The following TRMT44 variants were observed in gnomAD, a reference collection of about 807,000 sequenced individuals.
TRMT44 encodes tRNA methyltransferase 44 homolog, also known as probable tRNA (uracil-O(2)-)-methyltransferase.
A neutral mutation model predicts 77.3 loss-of-function variants in TRMT44; 78 were observed. That is an observed-to-expected ratio of 1.01 (90% confidence interval 0.84 to 1.22). The LOEUF (loss-of-function observed/expected upper bound fraction) is 1.22, where lower values mean the gene tolerates loss of function less well. TRMT44 is among the 50% of genes most tolerant of loss of function. The pLI, the probability that TRMT44 is intolerant of heterozygous loss-of-function variation, is 0.00. For synonymous variants in TRMT44, 391 were observed against 383.3 expected, an observed-to-expected ratio of 1.02 and a Z score of -0.23; for missense variants, 1,090 against 964.4, an observed-to-expected ratio of 1.13 and a Z score of -1.73.
Position 8,446,462 on chromosome 4 carries a change from C to A in TRMT44, c.620-14C>A. On this transcript the variant is annotated splice_polypyrimidine_tract_variant and intron_variant, in intron 1 of 10. Coordinates refer to ENST00000389737, the MANE Select transcript of TRMT44 (RefSeq NM_152544.3). This position sits in a 1 kb window ranked among gnomAD's most constrained non-coding sequence, Gnocchi z 4.3. Reference sequence around the variant, plus strand: ...GGCAGTTGTAATTTGTCCTTCTTCTCTTTTTCTTTCCAGATGTCCTCAATG... The same window carrying A: ...GGCAGTTGTAATTTGTCCTTCTTCTATTTTTCTTTCCAGATGTCCTCAATG... The A allele has an allele frequency of 2.0e-6, 3 of 1,510,642 alleles. No individual in the cohort carries two copies. Among genetic ancestry groups the A allele is most frequent in the Non-Finnish European group, 2.7e-6 (3 of 1,124,580 alleles). The allele number at this position is 1,510,642 out of a possible 1,614,324, so 93.6% of individuals were successfully genotyped here. A position where few individuals can be genotyped will look rare whatever the true frequency, so the allele number is the denominator to read the frequency against.
intron 7 of TRMT44, 118 bp from the exon 8 acceptor site, chr4:8,465,260 A>G: frequency 1.1e-6 from 1 of 924,698 alleles, no homozygotes; most frequent in African/African-American, 1.7e-5. Flanking sequence ...AATATTGGCC[A>G]GGAACATCAC....
chr4:8,508,790 C>A, the TRMT44 span: 1 of 152,360 alleles, frequency 6.6e-6, no homozygotes, highest in Non-Finnish European at 1.5e-5. Flanking sequence ...CCTTCCCTTC[C>A]TTTACAGATG....
intron 2 of TRMT44, among the ~76,000 whole-genome samples, chr4:8,492,020 T>C (rs1728023209): frequency 1.3e-5 from 2 of 152,238 alleles, no homozygotes; most frequent in Non-Finnish European, 2.9e-5. Context: ...TGTTAAACTC[T>C]TTCTCTACAA....
At chr4:8,471,933 G>T (rs1002209898) in intron 10 of TRMT44, among the ~76,000 whole-genome samples, 2 of 152,198 alleles carry the variant, frequency 1.3e-5, no homozygotes, top group African/African-American at 4.8e-5. Flanking sequence ...GTGCACAGAG[G>T]GGGCAGGAAC....
chr4:8,488,462 C>T lies in TRMT44; in HGVS notation n.3892-4804C>T, dbSNP rs967424654. ...TTCTCTGGTGGACAGGAGTGGGGGT[C>T]GCAAGGTGCTCCGTGGGGAAGCTTT... On this transcript the variant is annotated intron_variant and non_coding_transcript_variant, in intron 2 of 2. Transcript: ENST00000511366. Among the ~76,000 whole-genome samples the T allele has an allele frequency of 5.3e-5, 8 of 152,210 alleles. 1 individual carries two copies. The highest frequency in any genetic ancestry group is 7.4e-5 in the Non-Finnish European group (5 of 68,022).
Position 8,449,878 on chromosome 4 carries a change from A to G in TRMT44, c.944A>G (p.Glu315Gly). The G allele has an allele frequency of 6.6e-7, 1 of 1,521,400 alleles. No individual in the cohort carries two copies. The highest frequency in any genetic ancestry group is 8.8e-7 in the Non-Finnish European group (1 of 1,136,162). The allele number at this position is 1,521,400 out of a possible 1,614,324, so 94.2% of individuals were successfully genotyped here. The change falls in exon 3 of 11, where the codon GAA (glutamate) becomes GGA (glycine). Residue 315 changes from glutamate (E) to glycine (G), a missense_variant. Physicochemically the swap from Glu to Gly is moderately conservative, Grantham distance 98. Transcript: ENST00000389737. Reference sequence around the variant, plus strand: ...CAGGAACTTAAAGAGAAGTATAAGGAAATGGTTAAGGTAATTCTGGTGGAG... The same window carrying G: ...CAGGAACTTAAAGAGAAGTATAAGGGAATGGTTAAGGTAATTCTGGTGGAG... ...AYQELKEKYK[E>G]MVKVWPEVTD...
In TRMT44 at chr4:8,476,046, A is replaced by C; in HGVS notation, c.*45A>C. On this transcript the variant is annotated 3_prime_UTR_variant, in exon 11 of 11. Coordinates refer to ENST00000389737, the MANE Select transcript of TRMT44 (RefSeq NM_152544.3). The stretch of plus-strand genomic sequence containing the variant: ...AGGCCTGGTTGGGGAGGCCAAACCA[A>C]GGAGAGCTTCCCCAGCAGTCGTCAG... 1 of 1,577,896 alleles carries C rather than the reference A, an allele frequency of 6.3e-7. No homozygotes were observed. Among genetic ancestry groups the C allele is most frequent in the Non-Finnish European group, 8.7e-7 (1 of 1,153,094 alleles).
intron 2 of TRMT44, among the ~76,000 whole-genome samples, chr4:8,485,085 A>G (rs1324396961): frequency 6.6e-6 from 1 of 152,314 alleles, no homozygotes; most frequent in East Asian, 1.9e-4. Flanking sequence ...AGAGGGGTGG[A>G]AATAAAGTAA....
intron 1 of TRMT44, among the ~76,000 whole-genome samples, chr4:8,443,718 G>C (rs905990553): frequency 2.0e-5 from 3 of 152,100 alleles, no homozygotes; most frequent in African/African-American, 7.2e-5. Context: ...CCCTATTCTG[G>C]GTAAGATCAC....
At chr4:8,483,204 G>A (rs1437204908) in intron 2 of TRMT44, among the ~76,000 whole-genome samples, 1 of 152,214 alleles carries the variant, frequency 6.6e-6, no homozygotes, top group Non-Finnish European at 1.5e-5. Context: ...AGTGCCTAAG[G>A]AGATTCAGCA....
At chr4:8,489,650 G>C (rs1727931545) in intron 2 of TRMT44, among the ~76,000 whole-genome samples, 1 of 152,030 alleles carries the variant, frequency 6.6e-6, no homozygotes, top group Non-Finnish European at 1.5e-5. Flanking sequence ...CTAATTTTTT[G>C]TATTTTTAGT....
chr4:8,481,686 TTAAAAA>T (rs2109214531), intron 2 of TRMT44, among the ~76,000 whole-genome samples: 1 of 152,340 alleles, frequency 6.6e-6, no homozygotes, highest in East Asian at 1.9e-4. Context: ...AACTTTTTTG[TTAAAAA>T]TGAAAAGAGA....
In TRMT44 at chr4:8,446,361, A is replaced by G; in HGVS notation, c.620-115A>G. The G allele has an allele frequency of 1.5e-6, 1 of 661,802 alleles. No homozygotes were observed. Among genetic ancestry groups the G allele is most frequent in the Non-Finnish European group, 2.6e-6 (1 of 385,306 alleles). The allele number at this position is 661,802 out of a possible 1,614,324, so 41.0% of individuals were successfully genotyped here. A position where few individuals can be genotyped will look rare whatever the true frequency, so the allele number is the denominator to read the frequency against. On this transcript the variant is annotated intron_variant, in intron 1 of 10. Coordinates refer to ENST00000389737, the MANE Select transcript of TRMT44 (RefSeq NM_152544.3). The surrounding 1 kb of genome is among the most constrained non-coding windows in gnomAD (Gnocchi z 4.3). Reference sequence around the variant, plus strand: ...CCTCTCCTGGAGTGCCATTGTGAATAGAGTGCTGGGGGATTGAAAGCATCG... The same window carrying G: ...CCTCTCCTGGAGTGCCATTGTGAATGGAGTGCTGGGGGATTGAAAGCATCG...
chr4:8,457,332 C>T (rs886779932), intron 6 of TRMT44, among the ~76,000 whole-genome samples: 1 of 152,158 alleles, frequency 6.6e-6, no homozygotes, highest in Non-Finnish European at 1.5e-5. Flanking sequence ...GCCTGGGCAG[C>T]AAGAACTCTA....
chr4:8,464,346 G>A (rs904841842), intron 7 of TRMT44, among the ~76,000 whole-genome samples: 1 of 152,142 alleles, frequency 6.6e-6, no homozygotes, highest in African/African-American at 2.4e-5. Flanking sequence ...TTATATCTCT[G>A]TTGGCCAGCA....
At chr4:8,458,610 A>G (rs1725961211) in intron 6 of TRMT44, among the ~76,000 whole-genome samples, 1 of 151,456 alleles carries the variant, frequency 6.6e-6, no homozygotes, top group Non-Finnish European at 1.5e-5. Flanking sequence ...GCCCACCATC[A>G]TGCCCAGCTA....
At chr4:8,471,858 G>C (rs1727026734) in intron 10 of TRMT44, among the ~76,000 whole-genome samples, 1 of 152,214 alleles carries the variant, frequency 6.6e-6, no homozygotes, top group South Asian at 2.1e-4. Flanking sequence ...GGAGGGGGGA[G>C]ATGTAGCAGG....
chr4:8,501,957 C>A, the TRMT44 span, among the ~76,000 whole-genome samples: 1 of 152,268 alleles, frequency 6.6e-6, no homozygotes, highest in Non-Finnish European at 1.5e-5. This position sits in a 1 kb window ranked among gnomAD's most constrained non-coding sequence, Gnocchi z 4.4. Context: ...GGCTTCCCGC[C>A]TCTTCCCGGG....
At chr4:8,442,444 T>G (rs938811955) in intron 1 of TRMT44, among the ~76,000 whole-genome samples, 3 of 152,260 alleles carry the variant, frequency 2.0e-5, no homozygotes, top group Non-Finnish European at 2.9e-5. Flanking sequence ...TGAAACTTTA[T>G]TCAGCAGCAT....
Sources: allele counts gnomAD v4.1 joint callset (sites outside exome capture counted in the v4.1 genomes callset), GRCh38; gene constraint gnomAD v4.1.1; non-coding constraint Gnocchi (gnomAD v3.1); transcripts MANE v1.5; gene names NCBI Gene and HGNC (gene_info 2026-07-23, HGNC 2026-07-21).